Variants in CCDC178 observed in about 807,000 individuals in gnomAD.
The protein encoded by CCDC178 is coiled-coil domain containing 178.
Under a neutral mutation model 117.4 loss-of-function variants are expected in CCDC178, and 126 were observed. That is an observed-to-expected ratio of 1.07 (90% CI 0.93 to 1.24). The LOEUF (loss-of-function observed/expected upper bound fraction) is 1.24, where lower values mean the gene tolerates loss of function less well. CCDC178 is among the 50% of genes most tolerant of loss of function. The pLI, the probability that CCDC178 is intolerant of heterozygous loss-of-function variation, is 0.00. For synonymous variants in CCDC178, 283 were observed against 313.4 expected, an observed-to-expected ratio of 0.90 and a Z score of 1.02; for missense variants, 1,030 against 986.9, an observed-to-expected ratio of 1.04 and a Z score of -0.59.
At chr18:33,071,145 A>G (rs926123967) in intron 21 of CCDC178, among the ~76,000 whole-genome samples, 8 of 152,112 alleles carry the variant, frequency 5.3e-5, no homozygotes, top group Non-Finnish European at 7.4e-5. Context: ...AGTTAAATGA[A>G]TTCTTTACCA....
At chr18:32,987,247 T>C (rs1029114911) in intron 21 of CCDC178, among the ~76,000 whole-genome samples, 1 of 151,808 alleles carries the variant, frequency 6.6e-6, no homozygotes, top group Non-Finnish European at 1.5e-5. Context: ...ATAGTTTACA[T>C]GAAACACATT....
intron 14 of CCDC178, 130 bp downstream of exon 14, chr18:33,266,786 G>T (rs1203360998): frequency 1.0e-6 from 1 of 953,852 alleles, no homozygotes; most frequent in Non-Finnish European, 1.5e-6. Flanking sequence ...ATTTTGAATA[G>T]AACTTAAATT....
At chr18:33,183,725 C>T (rs1202567215) in intron 20 of CCDC178, among the ~76,000 whole-genome samples, 1 of 151,954 alleles carries the variant, frequency 6.6e-6, no homozygotes, top group Non-Finnish European at 1.5e-5. Flanking sequence ...CTGCTCCCCC[C>T]ACACAGAAGC....
At chr18:33,033,344 G>A (rs765400590) in intron 21 of CCDC178, among the ~76,000 whole-genome samples, 9 of 151,910 alleles carry the variant, frequency 5.9e-5, no homozygotes, top group Admixed American at 2.0e-4. Flanking sequence ...AGCCTATGTC[G>A]CCTCCAAGGA....
chr18:33,225,770 A>G (rs1184364339), intron 16 of CCDC178, among the ~76,000 whole-genome samples: 34 of 152,242 alleles, frequency 2.2e-4, no homozygotes, highest in Non-Finnish European at 2.9e-5. Flanking sequence ...AGAAGCAAAC[A>G]CTGCTTCTAT....
intron 7 of CCDC178, among the ~76,000 whole-genome samples, chr18:33,354,674 G>A (rs1228806927): frequency 5.4e-5 from 8 of 149,118 alleles, no homozygotes; most frequent in South Asian, 2.1e-4. Flanking sequence ...GCAGTGGCAC[G>A]ATCTTGGCTC....
intron 21 of CCDC178, among the ~76,000 whole-genome samples, chr18:32,976,441 C>G (rs2055029986): frequency 1.3e-5 from 2 of 151,664 alleles, no homozygotes; most frequent in Admixed American, 1.3e-4. Context: ...TAGCACTAGC[C>G]CTGTATTACC....
At chr18:33,190,049 G>A (rs1394126785) in intron 20 of CCDC178, among the ~76,000 whole-genome samples, 1 of 152,088 alleles carries the variant, frequency 6.6e-6, no homozygotes, top group African/African-American at 2.4e-5. Flanking sequence ...ACCAACCAGT[G>A]CTTGGCTGTG....
chr18:33,230,282 T>C (rs1408027240), intron 15 of CCDC178, among the ~76,000 whole-genome samples: 1 of 152,006 alleles, frequency 6.6e-6, no homozygotes, highest in Non-Finnish European at 1.5e-5. Flanking sequence ...GTAAGTTAAT[T>C]ATCATATCCA....
intron 14 of CCDC178, among the ~76,000 whole-genome samples, chr18:33,264,659 T>G (rs1436501234): frequency 6.6e-6 from 1 of 152,054 alleles, no homozygotes; most frequent in African/African-American, 2.4e-5. Flanking sequence ...GATGTACTTG[T>G]GTTCCCAATA....
intron 20 of CCDC178, among the ~76,000 whole-genome samples, chr18:33,132,458 A>G (rs1037224509): frequency 2.6e-5 from 4 of 151,700 alleles, no homozygotes; most frequent in African/African-American, 7.2e-5. Flanking sequence ...AGCATTTATC[A>G]AGTTTTTTCT....
chr18:32,988,480 G>A (rs2055316686), intron 21 of CCDC178, among the ~76,000 whole-genome samples: 2 of 152,000 alleles, frequency 1.3e-5, no homozygotes, highest in South Asian at 4.1e-4. Context: ...AATACTGATT[G>A]CTAAATAAAT....
intron 11 of CCDC178, among the ~76,000 whole-genome samples, chr18:33,306,606 T>A (rs893773421): frequency 1.4e-4 from 21 of 146,870 alleles, no homozygotes; most frequent in East Asian, 6.0e-4. Context: ...ATATGGTTTT[T>A]TATATATATA....
chr18:33,395,700 A>G (rs1027357149), intron 4 of CCDC178, among the ~76,000 whole-genome samples: 2 of 152,116 alleles, frequency 1.3e-5, no homozygotes, highest in African/African-American at 4.8e-5. Flanking sequence ...TATACTCTGG[A>G]AGAAGTCATC....
At chr18:33,013,311 T>C (rs935819044) in intron 21 of CCDC178, among the ~76,000 whole-genome samples, 1 of 152,164 alleles carries the variant, frequency 6.6e-6, no homozygotes, top group Non-Finnish European at 1.5e-5. Flanking sequence ...CAGGACTGTT[T>C]TGCTGGGTAT....
chr18:33,379,149 T>C (rs4447494), intron 5 of CCDC178, among the ~76,000 whole-genome samples: 1 of 104,592 alleles, frequency 9.6e-6, no homozygotes, highest in African/African-American at 3.2e-5. Flanking sequence ...CATATATATA[T>C]AATATATATA....
chr18:33,221,828 T>C (rs1400003388), intron 18 of CCDC178, among the ~76,000 whole-genome samples: 3 of 152,074 alleles, frequency 2.0e-5, no homozygotes, highest in Non-Finnish European at 2.9e-5. Context: ...ACTAGTAAGA[T>C]GAATAGAAAA....
chr18:33,293,031 C>CTAA (rs1378313722), intron 12 of CCDC178, 128 bp downstream of exon 12: 15 of 590,554 alleles, frequency 2.5e-5, no homozygotes, highest in Admixed American at 3.3e-5. Flanking sequence ...CAATAGAAAA[C>CTAA]TAATACAGGC....
intron 21 of CCDC178, among the ~76,000 whole-genome samples, chr18:33,019,148 C>A (rs557755054): frequency 8.5e-5 from 13 of 152,126 alleles, no homozygotes; most frequent in Non-Finnish European, 1.5e-4. Context: ...ATCTTGCTTC[C>A]GTAGTGCCTG....
Sources: gnomAD v4.1 joint callset for allele counts (sites outside exome capture counted in the v4.1 genomes callset) on GRCh38, gnomAD v4.1.1 for gene constraint, MANE v1.5 for transcripts, NCBI Gene and HGNC (gene_info 2026-07-23, HGNC 2026-07-21) for gene names.